The following QTRT1 variants were observed in gnomAD, a reference collection of about 807,000 sequenced individuals.
QTRT1 encodes queuine tRNA-ribosyltransferase catalytic subunit 1.
Under a neutral mutation model 44.0 loss-of-function variants are expected in QTRT1, and 41 were observed. That is an observed-to-expected ratio of 0.93 (90% confidence interval 0.73 to 1.21). The LOEUF (loss-of-function observed/expected upper bound fraction) is 1.21. QTRT1 is among the 50% of genes most tolerant of loss of function. QTRT1 has a pLI of 0.00. For missense variants in QTRT1, 542 were observed against 575.8 expected, an observed-to-expected ratio of 0.94 and a Z score of 0.60; for synonymous variants, 226 against 237.1, an observed-to-expected ratio of 0.95 and a Z score of 0.43.
At position 10,712,890 on chromosome 19, in the gene QTRT1, C is replaced by G; in HGVS notation, c.971+23C>G. 6.2e-7 allele frequency: 1 copy of G among 1,612,878 alleles called. No individual in the cohort carries two copies. The highest frequency in any genetic ancestry group is 8.5e-7 in the Non-Finnish European group (1 of 1,179,156). On this transcript the variant is annotated intron_variant, in intron 8 of 9. Coordinates refer to ENST00000250237, the MANE Select transcript of QTRT1 (RefSeq NM_031209.3). This position sits in a 1 kb window ranked among gnomAD's most constrained non-coding sequence, Gnocchi z 5.6. ...AAAGTAGGCAGGATGGCACTGGGAG[C>G]TGGGGCAGGGCATGGAGGGGACAGG...
At chr19:10,707,015 G>A (rs1448711576) in intron 3 of QTRT1, among the ~76,000 whole-genome samples, 2 of 152,194 alleles carry the variant, frequency 1.3e-5, no homozygotes, top group Non-Finnish European at 2.9e-5. Flanking sequence ...TTGGTTTCCC[G>A]GTCTTGCTGT....
At chr19:10,705,009 G>C (rs141607973) in intron 3 of QTRT1, among the ~76,000 whole-genome samples, 1 of 150,914 alleles carries the variant, frequency 6.6e-6, no homozygotes, top group Admixed American at 6.6e-5. Context: ...TCTGCTGCCC[G>C]GGTTTAAGCT....
chr19:10,701,660 G>A lies in QTRT1; in HGVS notation c.200G>A (p.Cys67Tyr). 1 of 1,591,548 alleles carries A rather than the reference G, an allele frequency of 6.3e-7. No homozygotes were observed. ...ACCGAACAGCTGGACGCTCTGGGTT[G>A]CCGCATCTGCCTGGGCAATACCTAC... ...ITTEQLDALG[C>Y]RICLGNTYHL... The change falls in exon 1 of 10, where the codon TGC (cysteine) becomes TAC (tyrosine). Residue 67 changes from cysteine to tyrosine, a missense_variant. Physicochemically the swap from Cys to Tyr is radical, Grantham distance 194 (BLOSUM62 -2). Transcript: ENST00000250237.
chr19:10,703,667 C>G lies in QTRT1; in HGVS notation c.451+1413C>G, dbSNP rs143258217. On this transcript the variant is annotated intron_variant, in intron 3 of 9. Coordinates refer to ENST00000250237, the MANE Select transcript of QTRT1 (RefSeq NM_031209.3). ...CCAAGTAGCTGGGATTACAGGTGCC[C>G]GCTACCACACCCAGCTAATTTTTGT... Among the ~76,000 whole-genome samples, 866 of 142,396 alleles carry G rather than the reference C, an allele frequency of 6.1e-3. 7 individuals carry two copies. Among genetic ancestry groups the G allele is most frequent in the African/African-American group, 0.022 (829 of 38,246 alleles). 93.4% of individuals were successfully genotyped at this position (142,396 alleles called of 152,430 possible). A position where few individuals can be genotyped will look rare whatever the true frequency, so the allele number is the denominator to read the frequency against.
intron 3 of QTRT1, among the ~76,000 whole-genome samples, 195 bp downstream of exon 3, chr19:10,702,449 C>A (rs1181128678): frequency 6.6e-6 from 1 of 152,104 alleles, no homozygotes; most frequent in African/African-American, 2.4e-5. Flanking sequence ...GAGATGATGT[C>A]AGTAAATCTC....
chr19:10,712,824 T>G lies in QTRT1; in HGVS notation c.928T>G (p.Phe310Val). 1 of 1,613,982 alleles carries G rather than the reference T, an allele frequency of 6.2e-7. No homozygotes were observed. Among genetic ancestry groups the G allele is most frequent in the South Asian group, 1.1e-5 (1 of 91,084 alleles). ...QLRKKVFEKD[F>V]GPIDPECTCP... ...GAGGAAGAAGGTGTTTGAGAAGGACTTCGGCCCCATAGACCCGGAGTGCAC... is the reference window on the plus strand; with the variant it reads ...GAGGAAGAAGGTGTTTGAGAAGGACGTCGGCCCCATAGACCCGGAGTGCAC... Residue 310 changes from phenylalanine (F) to valine (V), a missense_variant, in exon 8 of 10, where the codon TTC (phenylalanine) becomes GTC (valine). By Grantham distance (50) the Phe-to-Val change is conservative. Coordinates refer to ENST00000250237, the MANE Select transcript of QTRT1 (RefSeq NM_031209.3). This position sits in a 1 kb window ranked among gnomAD's most constrained non-coding sequence, Gnocchi z 5.6.
At chr19:10,708,285 G>A (rs968696996) in intron 5 of QTRT1, among the ~76,000 whole-genome samples, 2 of 151,846 alleles carry the variant, frequency 1.3e-5, no homozygotes, top group Admixed American at 6.6e-5. Context: ...TTTGAGACAC[G>A]GTCTTACTCT....
At chr19:10,705,247 T>C (rs2068708010) in intron 3 of QTRT1, among the ~76,000 whole-genome samples, 1 of 151,104 alleles carries the variant, frequency 6.6e-6, no homozygotes, top group African/African-American at 2.4e-5. Context: ...TCTTTTTTTT[T>C]TTCTTTTTTG....
In QTRT1 at chr19:10,704,937, G is replaced by A. The variant is rs1260929245; in HGVS notation, c.452-2365G>A. Among the ~76,000 whole-genome samples the A allele has an allele frequency of 5.1e-5, 7 of 137,066 alleles. No homozygotes were observed. In the Admixed American group the frequency reaches 5.3e-4, roughly 10 times the overall value. The allele number at this position is 137,066 out of a possible 152,430, so 89.9% of individuals were successfully genotyped here. On this transcript the variant is annotated intron_variant, in intron 3 of 9. Transcript: ENST00000250237. ...CGTAATTTTTTTTTTTTTTTTTGAT[G>A]TGGAATCTCGCTCTGTCACCTAGGC...
At position 10,702,759 on chromosome 19, in the gene QTRT1, C is replaced by CT. The variant is rs34948949; in HGVS notation, c.451+532dup. Among the ~76,000 whole-genome samples the CT allele has an allele frequency of 2.8e-3, 193 of 68,542 alleles. 14 individuals are homozygous for CT. The highest frequency in any genetic ancestry group is 0.01 in the East Asian group (19 of 1,886). The allele number at this position is 68,542 out of a possible 152,430, so 45.0% of individuals were successfully genotyped here. Reference sequence around the variant, plus strand: ...CTTCTCCCATATCCTCAATATCCTTCTTTTTTTTTTTTTTTTTTTTTTTTT... The same window carrying CT: ...CTTCTCCCATATCCTCAATATCCTTCTTTTTTTTTTTTTTTTTTTTTTTTTT... On this transcript the variant is annotated intron_variant, in intron 3 of 9. Coordinates refer to ENST00000250237, the MANE Select transcript of QTRT1 (RefSeq NM_031209.3).
intron 1 of QTRT1, 87 bp from the exon 2 acceptor site, chr19:10,701,863 G>A (rs2068690649): frequency 6.3e-7 from 1 of 1,578,594 alleles, no homozygotes; most frequent in Non-Finnish European, 8.7e-7. Context: ...AGAGCAGCAG[G>A]GACTAAAGCT....
intron 5 of QTRT1, among the ~76,000 whole-genome samples, chr19:10,710,040 G>T (rs921815877): frequency 6.6e-6 from 1 of 151,786 alleles, no homozygotes; most frequent in Non-Finnish European, 1.5e-5. Context: ...AAATTAGCAC[G>T]CAAGCATGGG....
Position 10,712,912 on chromosome 19 carries a change from C to CA in QTRT1, c.972-40dup. 6.2e-7 allele frequency: 1 copy of CA among 1,612,796 alleles called. No individual in the cohort carries two copies. The highest frequency in any genetic ancestry group is 8.5e-7 in the Non-Finnish European group (1 of 1,179,362). On this transcript the variant is annotated intron_variant, in intron 8 of 9. Coordinates refer to ENST00000250237, the MANE Select transcript of QTRT1 (RefSeq NM_031209.3). The surrounding 1 kb of genome is among the most constrained non-coding windows in gnomAD (Gnocchi z 5.6). Reference sequence around the variant, plus strand: ...GAGCTGGGGCAGGGCATGGAGGGGACAGGGCCTGGCCGTGCTGAGCTGTCC... The same window carrying CA: ...GAGCTGGGGCAGGGCATGGAGGGGACAAGGGCCTGGCCGTGCTGAGCTGTCC...
intron 5 of QTRT1, 119 bp downstream of exon 5, chr19:10,707,734 C>A: frequency 1.5e-6 from 1 of 671,716 alleles, no homozygotes; most frequent in Non-Finnish European, 2.4e-6. Context: ...GAAAAAATAG[C>A]CGGAGCAAAG....
At position 10,712,187 on chromosome 19, in the gene QTRT1, T is replaced by C. The variant is rs1599396827; in HGVS notation, c.673T>C (p.Phe225Leu). 6.2e-7 allele frequency: 1 copy of C among 1,613,578 alleles called. No individual in the cohort carries two copies. The highest frequency in any genetic ancestry group is 8.5e-7 in the Non-Finnish European group (1 of 1,180,040). ...EEMTKRDVPG[F>L]AIGGLSGGES... Reference sequence around the variant, plus strand: ...GATGACCAAGCGAGACGTGCCTGGCTTCGCCATCGGGGGCCTGAGCGGGGG... The same window carrying C: ...GATGACCAAGCGAGACGTGCCTGGCCTCGCCATCGGGGGCCTGAGCGGGGG... The change falls in exon 6 of 10, where the codon TTC (phenylalanine) becomes CTC (leucine). Residue 225 changes from phenylalanine to leucine, a missense_variant. Transcript: ENST00000250237. This position sits in a 1 kb window ranked among gnomAD's most constrained non-coding sequence, Gnocchi z 5.6.
rs574341548 is a variant in QTRT1, at chr19:10,711,958, T to C, written c.647-203T>C. 21 of 648,710 alleles carry C rather than the reference T, an allele frequency of 3.2e-5. 1 individual carries two copies. In the Admixed American group the frequency reaches 5.5e-4, roughly 17 times the overall value. The allele number at this position is 648,710 out of a possible 1,614,324, so 40.2% of individuals were successfully genotyped here. A position where few individuals can be genotyped will look rare whatever the true frequency, so the allele number is the denominator to read the frequency against. ...TGAGATCAGCAGTAGTCCCAGCCCC[T>C]AGACAGACAGACAAACTGATGGACC... On this transcript the variant is annotated intron_variant, in intron 5 of 9. Coordinates refer to ENST00000250237, the MANE Select transcript of QTRT1 (RefSeq NM_031209.3).
chr19:10,704,738 C>T (rs1006461927), intron 3 of QTRT1, among the ~76,000 whole-genome samples: 3 of 151,848 alleles, frequency 2.0e-5, no homozygotes, highest in Admixed American at 2.0e-4. Context: ...CAGGCATGCG[C>T]CACCATGCCC....
At chr19:10,704,975 G>A (rs895387109) in intron 3 of QTRT1, among the ~76,000 whole-genome samples, 1 of 151,164 alleles carries the variant, frequency 6.6e-6, no homozygotes, top group Non-Finnish European at 1.5e-5. Context: ...GAGTGCAGTG[G>A]CTCGATCTTG....
Position 10,712,939 on chromosome 19 carries a change from C to G in QTRT1, c.972-14C>G, listed in dbSNP as rs374392445. The G allele has an allele frequency of 6.2e-6, 10 of 1,613,192 alleles. No individual in the cohort carries two copies. In the East Asian group the frequency reaches 1.3e-4, roughly 22 times the overall value. On this transcript the variant is annotated splice_polypyrimidine_tract_variant and intron_variant, in intron 8 of 9. Transcript: ENST00000250237. This position sits in a 1 kb window ranked among gnomAD's most constrained non-coding sequence, Gnocchi z 5.6. ...GGGCCTGGCCGTGCTGAGCTGTCCC[C>G]TGCCGCTCTACAGGCACAGCCGCGC...
Sources: allele counts gnomAD v4.1 joint callset (sites outside exome capture counted in the v4.1 genomes callset), GRCh38; gene constraint gnomAD v4.1.1; non-coding constraint Gnocchi (gnomAD v3.1); transcripts MANE v1.5; gene names NCBI Gene and HGNC (gene_info 2026-07-23, HGNC 2026-07-21).